KCTD16: variants seen among roughly 807,000 people sequenced by gnomAD.
The protein encoded by KCTD16 is potassium channel tetramerization domain containing 16.
A neutral mutation model predicts 33.2 loss-of-function variants in KCTD16; 13 were observed. The ratio of observed to expected loss-of-function variants is 0.39; its 90% CI spans 0.25 to 0.62. The LOEUF is 0.62. Ranked by LOEUF, KCTD16 falls within the 20% of genes least tolerant of loss-of-function variation. The pLI is 0.50. For synonymous variants in KCTD16, 197 were observed against 195.3 expected (o/e 1.01, Z -0.07); for missense variants, 441 against 525.1 (o/e 0.84, Z 1.57).
intron 3 of KCTD16, among the ~76,000 whole-genome samples, chr5:144,397,709 A>G (rs1304527263): frequency 6.6e-6 from 1 of 152,148 alleles, no homozygotes; most frequent in African/African-American, 2.4e-5. Context: ...TATGGAGCCA[A>G]AAAAGAGCCC....
intron 3 of KCTD16, among the ~76,000 whole-genome samples, chr5:144,376,656 T>C (rs563719883): frequency 6.6e-6 from 1 of 152,186 alleles, no homozygotes; most frequent in Non-Finnish European, 1.5e-5. Flanking sequence ...TTTTTCCAAG[T>C]GAAATGCAAT....
chr5:144,468,657 A>G (rs1754402831), intron 3 of KCTD16, among the ~76,000 whole-genome samples: 1 of 152,216 alleles, frequency 6.6e-6, no homozygotes, highest in Admixed American at 6.5e-5. Context: ...CAACTGGGAT[A>G]CCAAGAAAGC....
At chr5:144,392,899 G>A in intron 3 of KCTD16, among the ~76,000 whole-genome samples, 1 of 152,156 alleles carries the variant, frequency 6.6e-6, no homozygotes, top group Non-Finnish European at 1.5e-5. Context: ...GCCAGCATTA[G>A]ATATGGCATA....
At chr5:144,339,387 C>G (rs10070040) in intron 3 of KCTD16, among the ~76,000 whole-genome samples, 12,993 of 152,096 alleles carry the variant, frequency 0.085, 1,348 homozygotes, top group African/African-American at 0.24. Context: ...GATCACTGCC[C>G]TCTCTCCTTT....
chr5:144,439,139 T>C (rs986750983), intron 3 of KCTD16: 1 of 163,184 alleles, frequency 6.1e-6, no homozygotes, highest in Non-Finnish European at 1.3e-5. Context: ...TTAAAAAATA[T>C]TTGGTGCTGC....
intron 3 of KCTD16, among the ~76,000 whole-genome samples, chr5:144,259,456 C>T (rs1229357040): frequency 6.6e-6 from 1 of 151,978 alleles, no homozygotes; most frequent in Non-Finnish European, 1.5e-5. Flanking sequence ...GTATGGCATT[C>T]GAAAACAATT....
At chr5:144,409,394 ACTGACTGAAC>A (rs1323430461) in intron 3 of KCTD16, among the ~76,000 whole-genome samples, 1 of 152,138 alleles carries the variant, frequency 6.6e-6, no homozygotes, top group Non-Finnish European at 1.5e-5. Context: ...AGTAGTTTCT[ACTGACTGAAC>A]CTTTGACATA....
chr5:144,298,075 C>T (rs1322702092), intron 3 of KCTD16, among the ~76,000 whole-genome samples: 1 of 152,178 alleles, frequency 6.6e-6, no homozygotes, highest in Admixed American at 6.5e-5. Context: ...TGCCATTGTT[C>T]CTGCATGGCT....
At chr5:144,320,480 A>G (rs1752042363) in intron 3 of KCTD16, among the ~76,000 whole-genome samples, 2 of 152,214 alleles carry the variant, frequency 1.3e-5, no homozygotes, top group South Asian at 4.1e-4. Flanking sequence ...AGATGGGTTT[A>G]CATGGTTCAC....
rs1200058417 is a variant in KCTD16, at chr5:144,361,048, T to TC, written c.833-112606dup. 4.8e-5 allele frequency among the ~76,000 whole-genome samples: 5 copies of TC among 104,604 alleles called. No individual in the cohort carries two copies. The South Asian group carries it at 1.5e-3, about 32-fold the overall frequency. The allele number at this position is 104,604 out of a possible 152,430, so 68.6% of individuals were successfully genotyped here. On this transcript the variant is annotated intron_variant, in intron 3 of 3. Coordinates refer to ENST00000512467, the MANE Select transcript of KCTD16 (RefSeq NM_020768.4). ...TAGGTATATCTCCCAATGCTATCCC[T>TC]CCCCCCTCCCCCGACCCCACAACAG...
chr5:144,270,568 TA>T (rs1182686094), intron 3 of KCTD16, among the ~76,000 whole-genome samples: 1 of 148,656 alleles, frequency 6.7e-6, no homozygotes, highest in East Asian at 2.0e-4. Context: ...TTTACAGCTA[TA>T]AACACAGTAA....
chr5:144,180,177 G>A (rs931595816), intron 2 of KCTD16, among the ~76,000 whole-genome samples: 2 of 152,138 alleles, frequency 1.3e-5, no homozygotes, highest in African/African-American at 4.8e-5. Flanking sequence ...TATCCTTGCT[G>A]TCAGTGATAA....
chr5:144,455,302 C>T (rs1172099373), intron 3 of KCTD16, among the ~76,000 whole-genome samples: 1 of 152,074 alleles, frequency 6.6e-6, no homozygotes, highest in African/African-American at 2.4e-5. Context: ...CTGTGCTTAG[C>T]CAGAATCTGT....
chr5:144,436,609 C>T (rs940296819), intron 3 of KCTD16, among the ~76,000 whole-genome samples: 14 of 147,332 alleles, frequency 9.5e-5, no homozygotes, highest in East Asian at 7.9e-4. Flanking sequence ...TTTTTTGAGA[C>T]GGAGTATCGC....
At chr5:144,426,941 A>G (rs1753344171) in intron 3 of KCTD16, among the ~76,000 whole-genome samples, 1 of 152,168 alleles carries the variant, frequency 6.6e-6, no homozygotes, top group Non-Finnish European at 1.5e-5. Context: ...GTTTTGGAGA[A>G]CACATTCAAA....
At chr5:144,342,835 A>T (rs1007952939) in intron 3 of KCTD16, among the ~76,000 whole-genome samples, 11 of 152,190 alleles carry the variant, frequency 7.2e-5, no homozygotes, top group African/African-American at 2.4e-4. Context: ...TATTGAGATA[A>T]TCATGTGGTT....
At chr5:144,411,853 T>A (rs1358902393) in intron 3 of KCTD16, among the ~76,000 whole-genome samples, 1 of 151,886 alleles carries the variant, frequency 6.6e-6, no homozygotes, top group Non-Finnish European at 1.5e-5. Context: ...TAAAAAAAAA[T>A]TGGCAAAGGA....
chr5:144,256,117 T>G (rs1754839109), intron 3 of KCTD16, among the ~76,000 whole-genome samples: 1 of 152,330 alleles, frequency 6.6e-6, no homozygotes, highest in South Asian at 2.1e-4. Context: ...TACTGTTTTC[T>G]GGGTTTGAAT....
intron 2 of KCTD16, among the ~76,000 whole-genome samples, chr5:144,195,314 T>G (rs897936128): frequency 2.0e-5 from 3 of 152,228 alleles, no homozygotes; most frequent in African/African-American, 4.8e-5. Context: ...ATGTTGTCCT[T>G]CAAAATCTCA....
Sources: allele counts gnomAD v4.1 joint callset (sites outside exome capture counted in the v4.1 genomes callset), GRCh38; gene constraint gnomAD v4.1.1; transcripts MANE v1.5; gene names NCBI Gene and HGNC (gene_info 2026-07-23, HGNC 2026-07-21).